The following LMAN1 variants were observed in gnomAD, a reference collection of about 807,000 sequenced individuals.
The protein encoded by LMAN1 is lectin, mannose binding 1, also known as protein ERGIC-53.
LMAN1 carries 32 observed loss-of-function variants against 67.8 expected under a neutral mutation model. That is an observed-to-expected ratio of 0.47 (90% CI 0.36 to 0.63). LMAN1 has a LOEUF of 0.63. Ranked by LOEUF, LMAN1 falls within the 30% of genes least tolerant of loss-of-function variation. The pLI is 0.00. For synonymous variants in LMAN1, 235 were observed against 219.3 expected (o/e 1.07, Z -0.63); for missense variants, 632 against 628.2 (o/e 1.01, Z -0.06).
intron 11 of LMAN1, 32 bp downstream of exon 11, chr18:59,333,059 A>C (rs776400565): frequency 3.8e-6 from 6 of 1,567,952 alleles, no homozygotes; most frequent in Non-Finnish European, 5.3e-6. Context: ...CCTAAAGATT[A>C]TAATTATAAA....
intron 7 of LMAN1, 151 bp downstream of exon 7, chr18:59,347,362 A>G: frequency 3.5e-6 from 1 of 282,384 alleles, no homozygotes; most frequent in Middle Eastern, 1.2e-3. Flanking sequence ...AAAAAAAAAG[A>G]AATGAAGCAT....
intron 5 of LMAN1, among the ~76,000 whole-genome samples, chr18:59,351,137 T>G: frequency 6.6e-6 from 1 of 152,308 alleles, no homozygotes; most frequent in East Asian, 1.9e-4. Flanking sequence ...CACTTCACAT[T>G]GGCACAATAT....
At chr18:59,352,553 G>A (rs1333544494) in intron 5 of LMAN1, 1 of 154,454 alleles carries the variant, frequency 6.5e-6, no homozygotes, top group Admixed American at 6.4e-5. Context: ...CAAACTACAT[G>A]CCTTTCCAAA....
rs1908486580 is a variant in LMAN1 at position 59,349,198 on chromosome 18, A to G, written c.678T>C (p.Asp226=). ...TTTCCACTTTGGCACAAAATTCATAATCATTTTTATCTGGTGTAAAGCCAT... is the reference window on the plus strand; with the variant it reads ...TTTCCACTTTGGCACAAAATTCATAGTCATTTTTATCTGGTGTAAAGCCAT... The part of the protein sequence containing the change: ...INNGFTPDKN[D]YEFCAKVENM... Residue 226 remains aspartate, a synonymous_variant, in exon 6 of 13, where the codon GAT becomes GAC. Transcript: ENST00000251047. The G allele has an allele frequency of 6.2e-7, 1 of 1,613,388 alleles. No individual in the cohort carries two copies. Among genetic ancestry groups the G allele is most frequent in the African/African-American group, 1.3e-5 (1 of 74,908 alleles).
chr18:59,354,323 T>C (rs981240573), intron 4 of LMAN1, among the ~76,000 whole-genome samples, 196 bp downstream of exon 4: 1 of 152,218 alleles, frequency 6.6e-6, no homozygotes, highest in Non-Finnish European at 1.5e-5. Flanking sequence ...CATGGTTGAA[T>C]CTGAGATGGT....
At chr18:59,331,260 A>G in intron 12 of LMAN1, 131 bp from the exon 13 acceptor site, 1 of 1,045,862 alleles carries the variant, frequency 9.6e-7, no homozygotes, top group South Asian at 1.4e-5. Context: ...CATATATTCT[A>G]CACGTGCACT....
Position 59,354,582 on chromosome 18 carries a change from T to TAA in LMAN1, c.478-4_478-3dup. ...AATTACTATAGCAGGATTATTTTTC[T>TAA]AAAAAAAAGGAAAACATTTTAAAAA... On this transcript the variant is annotated splice_region_variant and splice_polypyrimidine_tract_variant and intron_variant, in intron 3 of 12. Coordinates refer to ENST00000251047, the MANE Select transcript of LMAN1 (RefSeq NM_005570.4). 7.2e-7 allele frequency: 1 copy of TAA among 1,382,858 alleles called. No homozygotes were observed. The highest frequency in any genetic ancestry group is 1.0e-6 in the Non-Finnish European group (1 of 974,174). 85.7% of individuals were successfully genotyped at this position (1,382,858 alleles called of 1,614,324 possible).
Position 59,338,612 on chromosome 18 carries a change from G to C in LMAN1, c.1165C>G (p.Leu389Val), listed in dbSNP as rs1568113602. 1 of 1,613,764 alleles carries C rather than the reference G, an allele frequency of 6.2e-7. No homozygotes were observed. The highest frequency in any genetic ancestry group is 1.7e-5 in the Admixed American group (1 of 60,010). ...TGCTGAGTTTTCACAACAGTATCCAGTTCTTGTTGAGTAATCTGGAGGAAG... is the reference window on the plus strand; with the variant it reads ...TGCTGAGTTTTCACAACAGTATCCACTTCTTGTTGAGTAATCTGGAGGAAG... The part of the protein sequence containing the change: ...GQHGQITQQE[L>V]DTVVKTQHEI... The change falls in exon 10 of 13, where the codon CTG becomes GTG. Residue 389 changes from leucine to valine, a missense_variant. By Grantham distance (32) the Leu-to-Val change is conservative. Coordinates refer to ENST00000251047, the MANE Select transcript of LMAN1 (RefSeq NM_005570.4).
intron 8 of LMAN1, 72 bp from the exon 9 acceptor site, chr18:59,339,025 C>T: frequency 7.4e-7 from 1 of 1,343,190 alleles, no homozygotes; most frequent in Non-Finnish European, 1.1e-6. Flanking sequence ...CGTAAGTGAC[C>T]AAAGTGCCAA....
rs1908586884 is a variant in LMAN1 at position 59,353,291 on chromosome 18, T to A, written c.550A>T (p.Ser184Cys). 1 of 1,613,670 alleles carries A rather than the reference T, an allele frequency of 6.2e-7. No individual in the cohort carries two copies. Among genetic ancestry groups the A allele is most frequent in the Non-Finnish European group, 8.5e-7 (1 of 1,179,588 alleles). The change falls in exon 5 of 13, where the codon AGT becomes TGT. Residue 184 changes from serine to cysteine, a missense_variant. Transcript: ENST00000251047. ...IHYDHQNDGASQALASCQRDF... is the reference protein window; with the variant it reads ...IHYDHQNDGACQALASCQRDF... Reference sequence around the variant, plus strand: ...CTCTGGCAACTTGCCAAAGCTTGACTAGCCCCGTCACTATAGTGTAAGGGG... The same window carrying A: ...CTCTGGCAACTTGCCAAAGCTTGACAAGCCCCGTCACTATAGTGTAAGGGG...
At chr18:59,339,268 G>A (rs183702679) in intron 8 of LMAN1, among the ~76,000 whole-genome samples, 1 of 152,250 alleles carries the variant, frequency 6.6e-6, no homozygotes, top group Admixed American at 6.5e-5. Context: ...CTCCTCCACG[G>A]AGAAAAACCA....
intron 6 of LMAN1, among the ~76,000 whole-genome samples, chr18:59,348,218 C>T (rs1165017983): frequency 6.6e-6 from 1 of 152,218 alleles, no homozygotes; most frequent in Non-Finnish European, 1.5e-5. Context: ...TCACATCCAC[C>T]AATCAAGAGC....
intron 11 of LMAN1, chr18:59,331,776 C>G (rs2070749138): frequency 2.0e-6 from 1 of 490,342 alleles, no homozygotes; most frequent in Non-Finnish European, 3.7e-6. Context: ...CTCCTGGCTC[C>G]TGTCTGCATT....
At chr18:59,344,796 A>G (rs1038474627) in intron 8 of LMAN1, among the ~76,000 whole-genome samples, 1 of 152,244 alleles carries the variant, frequency 6.6e-6, no homozygotes, top group Non-Finnish European at 1.5e-5. Flanking sequence ...CTAAATACAT[A>G]AAAAGTTAAA....
intron 6 of LMAN1, among the ~76,000 whole-genome samples, chr18:59,348,879 G>C (rs1328483681): frequency 1.3e-5 from 2 of 152,196 alleles, no homozygotes; most frequent in African/African-American, 4.8e-5. Flanking sequence ...CACCCAAACT[G>C]ATGCTGTAAT....
intron 7 of LMAN1, among the ~76,000 whole-genome samples, 156 bp from the exon 8 acceptor site, chr18:59,346,207 CTCTTTTTT>C (rs1568115709): frequency 1.6e-5 from 2 of 125,386 alleles, no homozygotes; most frequent in Non-Finnish European, 1.6e-5. Context: ...TAGCAAATTA[CTCTTTTTT>C]TTTTTTTTTT....
Position 59,328,449 on chromosome 18 carries a change from TTAA to T in LMAN1, c.*2641_*2643del, listed in dbSNP as rs1468978142. 1 of 152,202 alleles carries T rather than the reference TTAA, an allele frequency of 6.6e-6. No individual in the cohort carries two copies. The highest frequency in any genetic ancestry group is 1.5e-5 in the Non-Finnish European group (1 of 68,032). The allele number at this position is 152,202 out of a possible 1,614,324, so 9.4% of individuals were successfully genotyped here. A position where few individuals can be genotyped will look rare whatever the true frequency, so the allele number is the denominator to read the frequency against. On this transcript the variant is annotated 3_prime_UTR_variant, in exon 13 of 13. Transcript: ENST00000251047. The stretch of plus-strand genomic sequence containing the variant: ...TGTAGTTGCTCATGAACCACGCGTT[TTAA>T]TAAAAGGAACATTAAGTAAATTGTA...
rs765835101 is a variant in LMAN1, at chr18:59,359,249, G to C, written c.-5C>G. 1 of 1,613,336 alleles carries C rather than the reference G, an allele frequency of 6.2e-7. No individual in the cohort carries two copies. Among genetic ancestry groups the C allele is most frequent in the Non-Finnish European group, 8.5e-7 (1 of 1,179,490 alleles). ...CCTTTGCCTGGATCCCGCCATCTTG[G>C]ATTCTGGAACGCGGAGGAGGGCGGG... is the stretch of plus-strand genomic sequence containing the variant. On this transcript the variant is annotated 5_prime_UTR_variant, in exon 1 of 13. It adds an upstream start codon to the 5' untranslated region. Coordinates refer to ENST00000251047, the MANE Select transcript of LMAN1 (RefSeq NM_005570.4).
At chr18:59,335,876 G>A (rs192161234) in intron 10 of LMAN1, among the ~76,000 whole-genome samples, 37 of 152,300 alleles carry the variant, frequency 2.4e-4, no homozygotes, top group Non-Finnish European at 3.5e-4. Context: ...ACAGGGATAC[G>A]AGCTAACAAT....
Sources: gnomAD v4.1 joint callset for allele counts (sites outside exome capture counted in the v4.1 genomes callset) on GRCh38, gnomAD v4.1.1 for gene constraint, MANE v1.5 for transcripts, NCBI Gene and HGNC (gene_info 2026-07-23, HGNC 2026-07-21) for gene names.